ANAPC1: variants seen among roughly 807,000 people sequenced by gnomAD.
The protein encoded by ANAPC1 is anaphase-promoting complex subunit 1.
A neutral mutation model predicts 208.0 loss-of-function variants in ANAPC1; 36 were observed. That is an observed-to-expected ratio of 0.17 (90% CI 0.13 to 0.23). The LOEUF is 0.23. Among genes scored for constraint, ANAPC1 ranks in the 10% least tolerant of loss-of-function variants. The pLI, the probability that ANAPC1 is intolerant of heterozygous loss-of-function variation, is 1.00. For missense variants in ANAPC1, 942 were observed against 2,011.6 expected (o/e 0.47, Z 10.17); for synonymous variants, 378 against 695.2 (o/e 0.54, Z 7.18).
intron 2 of ANAPC1, among the ~76,000 whole-genome samples, chr2:111,879,396 T>C (rs1323791368): frequency 6.6e-6 from 1 of 152,188 alleles, no homozygotes; most frequent in Non-Finnish European, 1.5e-5. Flanking sequence ...ATCACATATA[T>C]ATTCACCTTC....
At chr2:111,842,386 G>GT (rs1680811065) in intron 17 of ANAPC1, among the ~76,000 whole-genome samples, 2 of 152,154 alleles carry the variant, frequency 1.3e-5, no homozygotes, top group Admixed American at 1.3e-4. Context: ...GCTCACGCCT[G>GT]TAATTCCAGC....
rs1428962468 is a variant in ANAPC1 at position 111,825,177 on chromosome 2, A to C, written c.2705-10T>G. On this transcript the variant is annotated splice_polypyrimidine_tract_variant and intron_variant, in intron 22 of 47. Transcript: ENST00000341068. ...TGCAACTTCTGGGGGGCTAAAAGGC[A>C]ACAAAATGAAACTTAATTTTGATAG... The C allele has an allele frequency of 1.2e-6, 2 of 1,603,890 alleles. No homozygotes were observed. Among genetic ancestry groups the C allele is most frequent in the Non-Finnish European group, 1.7e-6 (2 of 1,175,326 alleles).
rs1422521439 is a variant in ANAPC1 at position 111,834,985 on chromosome 2, T to G, written c.2116-113A>C. The G allele has an allele frequency of 1.8e-5, 20 of 1,117,454 alleles. No individual in the cohort carries two copies. In the South Asian group the frequency reaches 5.9e-4, roughly 33 times the overall value. The allele number at this position is 1,117,454 out of a possible 1,614,324, so 69.2% of individuals were successfully genotyped here. The stretch of plus-strand genomic sequence containing the variant: ...GTTTCATTTTCACATTAAGTTGATC[T>G]AAGAGTATGTTAAAAAAAAAAAAGA... On this transcript the variant is annotated intron_variant, in intron 18 of 47. Coordinates refer to ENST00000341068, the MANE Select transcript of ANAPC1 (RefSeq NM_022662.4).
At chr2:111,854,364 C>T (rs181973512) in intron 13 of ANAPC1, among the ~76,000 whole-genome samples, 8 of 152,164 alleles carry the variant, frequency 5.3e-5, no homozygotes, top group Non-Finnish European at 1.2e-4. Context: ...CCAGGCAGAG[C>T]AGACTTGGCA....
chr2:111,862,743 G>C, intron 9 of ANAPC1, 145 bp from the exon 10 acceptor site: 1 of 924,782 alleles, frequency 1.1e-6, no homozygotes. Context: ...TTTTCAAAAA[G>C]GAGTAGCTAT....
chr2:111,865,204 G>C (rs1220051833), intron 7 of ANAPC1, among the ~76,000 whole-genome samples: 2 of 152,032 alleles, frequency 1.3e-5, no homozygotes, highest in African/African-American at 2.4e-5. Context: ...TAAATGTTAA[G>C]ATTTGTGCTG....
intron 16 of ANAPC1, 31 bp from the exon 17 acceptor site, chr2:111,843,630 C>T (rs765228106): frequency 6.4e-7 from 1 of 1,560,734 alleles, no homozygotes; most frequent in East Asian, 2.3e-5. Context: ...TTTTAGTATT[C>T]TTACTCTGCA....
In ANAPC1 at chr2:111,831,197, A is replaced by T. The variant is rs1680108594; in HGVS notation, c.2625+89T>A. The T allele has an allele frequency of 2.1e-6, 3 of 1,403,580 alleles. No individual in the cohort carries two copies. In the East Asian group the frequency reaches 7.3e-5, roughly 34 times the overall value. The allele number at this position is 1,403,580 out of a possible 1,614,324, so 86.9% of individuals were successfully genotyped here. A position where few individuals can be genotyped will look rare whatever the true frequency, so the allele number is the denominator to read the frequency against. ...CACGTACTGAAATTCACAGAACTAT[A>T]CACAGAAAAAAACTTAATATCAGGT... On this transcript the variant is annotated intron_variant, in intron 21 of 47. Coordinates refer to ENST00000341068, the MANE Select transcript of ANAPC1 (RefSeq NM_022662.4).
At chr2:111,842,746 T>G (rs1412760476) in intron 17 of ANAPC1, among the ~76,000 whole-genome samples, 1 of 152,116 alleles carries the variant, frequency 6.6e-6, no homozygotes, top group Non-Finnish European at 1.5e-5. Flanking sequence ...AGAGTGATTT[T>G]TTTTCAGAGT....
At chr2:111,878,164 G>A (rs1322184741) in intron 3 of ANAPC1, among the ~76,000 whole-genome samples, 1 of 152,186 alleles carries the variant, frequency 6.6e-6, no homozygotes, top group Non-Finnish European at 1.5e-5. Context: ...AACAGTGTTA[G>A]TATCCATTTA....
intron 18 of ANAPC1, among the ~76,000 whole-genome samples, chr2:111,838,003 T>C (rs1010804198): frequency 6.7e-6 from 1 of 148,790 alleles, no homozygotes; most frequent in African/African-American, 2.5e-5. Flanking sequence ...GAGAACTGCT[T>C]GAACCTGGGA....
chr2:111,864,103 G>A (rs1419070492), intron 8 of ANAPC1, among the ~76,000 whole-genome samples: 3 of 151,938 alleles, frequency 2.0e-5, no homozygotes, highest in Admixed American at 1.3e-4. Flanking sequence ...GAGGAGAGAG[G>A]ATAGCTTGAG....
chr2:111,863,239 T>C (rs973563250), intron 9 of ANAPC1, among the ~76,000 whole-genome samples: 9 of 152,080 alleles, frequency 5.9e-5, no homozygotes, highest in African/African-American at 1.9e-4. Flanking sequence ...CTGAGCACGG[T>C]GGCTCACGCC....
intron 6 of ANAPC1, among the ~76,000 whole-genome samples, chr2:111,872,000 T>C (rs189838500): frequency 3.3e-5 from 5 of 152,240 alleles, no homozygotes; most frequent in Non-Finnish European, 5.9e-5. Flanking sequence ...ACTTGCCTGA[T>C]TGCTCTGGCC....
chr2:111,881,716 GTT>G (rs1222859413), intron 1 of ANAPC1, among the ~76,000 whole-genome samples: 1 of 152,124 alleles, frequency 6.6e-6, no homozygotes, highest in Non-Finnish European at 1.5e-5. Context: ...TATATACCAT[GTT>G]CCTATAGACA....
intron 10 of ANAPC1, among the ~76,000 whole-genome samples, chr2:111,859,486 T>C (rs6728309): frequency 1.1e-3 from 172 of 151,690 alleles, no homozygotes; most frequent in African/African-American, 3.8e-3. Flanking sequence ...AATAAATAAA[T>C]AAATAAATAA....
intron 16 of ANAPC1, among the ~76,000 whole-genome samples, chr2:111,844,815 G>T (rs886866138): frequency 2.0e-5 from 3 of 152,092 alleles, no homozygotes; most frequent in Non-Finnish European, 4.4e-5. Context: ...GTCTTAAAAG[G>T]GTTAAGAGTT....
chr2:111,881,570 T>C (rs1356741998), intron 1 of ANAPC1, among the ~76,000 whole-genome samples: 1 of 152,218 alleles, frequency 6.6e-6, no homozygotes, highest in African/African-American at 2.4e-5. Flanking sequence ...TCTATTACAG[T>C]ACAGTTTATT....
intron 14 of ANAPC1, among the ~76,000 whole-genome samples, chr2:111,848,970 A>G (rs540840996): frequency 6.6e-6 from 1 of 152,360 alleles, no homozygotes; most frequent in Admixed American, 6.5e-5. Context: ...AAAAAATTTA[A>G]ACGATCTTAG....
Sources: allele counts gnomAD v4.1 joint callset (sites outside exome capture counted in the v4.1 genomes callset), GRCh38; gene constraint gnomAD v4.1.1; transcripts MANE v1.5; gene names NCBI Gene and HGNC (gene_info 2026-07-23, HGNC 2026-07-21).